MGAT4C: variants seen among roughly 807,000 people sequenced by gnomAD.
The protein encoded by MGAT4C is MGAT4 family member C.
Under a neutral mutation model 40.1 loss-of-function variants are expected in MGAT4C, and 19 were observed. The observed-to-expected ratio is 0.47, with a 90% CI of 0.33 to 0.70. The LOEUF (loss-of-function observed/expected upper bound fraction) is 0.70. Ranked by LOEUF, MGAT4C falls within the 30% of genes least tolerant of loss-of-function variation. MGAT4C has a pLI of 0.02. For synonymous variants in MGAT4C, 181 were observed against 187.1 expected, an observed-to-expected ratio of 0.97 and a Z score of 0.27; for missense variants, 491 against 563.2, an observed-to-expected ratio of 0.87 and a Z score of 1.30.
At chr12:86,413,114 A>T (rs1216805181) in intron 3 of MGAT4C, among the ~76,000 whole-genome samples, 1 of 152,100 alleles carries the variant, frequency 6.6e-6, no homozygotes, top group Admixed American at 6.6e-5. Context: ...TTTTATGTTA[A>T]ATTGTGTGTC....
At chr12:86,344,758 GT>G (rs1329767446) in intron 3 of MGAT4C, among the ~76,000 whole-genome samples, 1 of 107,248 alleles carries the variant, frequency 9.3e-6, no homozygotes, top group Non-Finnish European at 2.3e-5. Flanking sequence ...GTGTGTGTAT[GT>G]GTGTGTGTGT....
intron 1 of MGAT4C, among the ~76,000 whole-genome samples, chr12:86,823,455 C>A (rs1005328141): frequency 6.7e-6 from 1 of 149,874 alleles, no homozygotes; most frequent in South Asian, 2.1e-4. Flanking sequence ...TCTAAATTTA[C>A]GGAAAAAAAA....
chr12:86,558,981 T>C (rs1480029539), intron 2 of MGAT4C, among the ~76,000 whole-genome samples: 4 of 151,620 alleles, frequency 2.6e-5, no homozygotes, highest in Non-Finnish European at 5.9e-5. Flanking sequence ...CTCACTTCAC[T>C]AAAAATAAAA....
chr12:86,277,760 T>G, intron 4 of MGAT4C, among the ~76,000 whole-genome samples: 1 of 152,108 alleles, frequency 6.6e-6, no homozygotes, highest in East Asian at 1.9e-4. Flanking sequence ...CTATGTGTCT[T>G]TTTTTATGTT....
intron 2 of MGAT4C, among the ~76,000 whole-genome samples, chr12:86,611,014 T>C (rs546216943): frequency 1.3e-5 from 2 of 151,762 alleles, no homozygotes; most frequent in Non-Finnish European, 2.9e-5. Context: ...TCTCTCGCTG[T>C]GCTCAGTCAT....
intron 4 of MGAT4C, among the ~76,000 whole-genome samples, chr12:86,293,909 A>G (rs200498850): frequency 6.6e-6 from 1 of 152,110 alleles, no homozygotes; most frequent in African/African-American, 2.4e-5. Flanking sequence ...CTCCCCAGCA[A>G]TGCGGAACTG....
intron 3 of MGAT4C, 97 bp downstream of exon 3, chr12:85,989,303 C>T: frequency 7.4e-6 from 9 of 1,215,676 alleles, no homozygotes; most frequent in Non-Finnish European, 1.0e-5. Flanking sequence ...TAAGTCTTCT[C>T]CAATAGCTTG....
At chr12:86,542,804 G>A (rs1382801340) in intron 2 of MGAT4C, among the ~76,000 whole-genome samples, 5 of 152,284 alleles carry the variant, frequency 3.3e-5, no homozygotes, top group Non-Finnish European at 5.9e-5. Context: ...CTGGCACAGG[G>A]CAAGCACATA....
intron 4 of MGAT4C, among the ~76,000 whole-genome samples, chr12:86,265,135 G>A (rs1952754252): frequency 6.6e-6 from 1 of 151,794 alleles, no homozygotes; most frequent in South Asian, 2.1e-4. Context: ...GCCTGGCTGT[G>A]CGCAGTGGCC....
intron 3 of MGAT4C, among the ~76,000 whole-genome samples, chr12:86,410,412 T>C (rs1956580582): frequency 6.6e-6 from 1 of 152,154 alleles, no homozygotes; most frequent in African/African-American, 2.4e-5. Flanking sequence ...GGGAAAAGAA[T>C]TAAGCGATAT....
intron 1 of MGAT4C, among the ~76,000 whole-genome samples, chr12:86,190,980 C>T (rs1889334170): frequency 6.6e-6 from 1 of 151,888 alleles, no homozygotes; most frequent in African/African-American, 2.4e-5. Context: ...TGCTAAATGT[C>T]AACTCTTAGC....
chr12:86,785,971 A>G (rs1204291967), intron 1 of MGAT4C, among the ~76,000 whole-genome samples: 3 of 152,026 alleles, frequency 2.0e-5, no homozygotes, highest in Non-Finnish European at 4.4e-5. Context: ...TCGTTAAGCA[A>G]AAATTCCCCA....
chr12:86,523,076 T>C (rs978384167), intron 2 of MGAT4C, among the ~76,000 whole-genome samples: 1 of 152,060 alleles, frequency 6.6e-6, no homozygotes, highest in African/African-American at 2.4e-5. Context: ...TTTGAATGGT[T>C]TTCTGTGTCT....
At chr12:86,782,169 G>GTTT (rs1951854318) in intron 1 of MGAT4C, among the ~76,000 whole-genome samples, 4 of 42,988 alleles carry the variant, frequency 9.3e-5, no homozygotes, top group Admixed American at 3.2e-4. Flanking sequence ...AATGTTTTTT[G>GTTT]TATTTTTTTT....
In MGAT4C at chr12:86,653,849, G is replaced by A. The variant is rs528463475; in HGVS notation, c.-229+73360C>T. On this transcript the variant is annotated intron_variant, in intron 2 of 7. Coordinates refer to the MGAT4C transcript ENST00000548651. ...TATGTAGTATTAAATAAAATTAAAT[G>A]TGGATTAAATTAAATATCAATTTTA... Among the ~76,000 whole-genome samples the A allele has an allele frequency of 2.3e-4, 35 of 151,906 alleles. No individual in the cohort carries two copies. The Middle Eastern group carries it at 0.01, about 45-fold the overall frequency.
At chr12:86,545,637 C>G (rs1476072553) in intron 2 of MGAT4C, among the ~76,000 whole-genome samples, 1 of 151,688 alleles carries the variant, frequency 6.6e-6, no homozygotes, top group Non-Finnish European at 1.5e-5. Context: ...ATTTTAGAAA[C>G]AGTGTGCTTT....
At chr12:86,454,849 C>A (rs1297979085) in intron 2 of MGAT4C, among the ~76,000 whole-genome samples, 1 of 151,938 alleles carries the variant, frequency 6.6e-6, no homozygotes, top group Non-Finnish European at 1.5e-5. Flanking sequence ...ATTCAAGGTC[C>A]AAAATTGAGA....
intron 3 of MGAT4C, among the ~76,000 whole-genome samples, chr12:86,415,988 G>A (rs747536073): frequency 1.3e-5 from 2 of 151,980 alleles, no homozygotes; most frequent in Admixed American, 6.6e-5. Flanking sequence ...AGCCTAGAAA[G>A]AGAATGTCAT....
At chr12:86,699,220 A>G (rs1950313335) in intron 2 of MGAT4C, among the ~76,000 whole-genome samples, 1 of 152,174 alleles carries the variant, frequency 6.6e-6, no homozygotes, top group African/African-American at 2.4e-5. Flanking sequence ...TATTTCTGAC[A>G]ATACTGACAC....
Sources: allele counts gnomAD v4.1 joint callset (sites outside exome capture counted in the v4.1 genomes callset), GRCh38; gene constraint gnomAD v4.1.1; transcripts MANE v1.5; gene names NCBI Gene and HGNC (gene_info 2026-07-23, HGNC 2026-07-21).